PALS1: variants seen among roughly 807,000 people sequenced by gnomAD.
PALS1 encodes protein PALS1.
In PALS1, 31 loss-of-function variants were observed where a neutral mutation model predicts 78.9. The ratio of observed to expected loss-of-function variants is 0.39; its 90% confidence interval spans 0.30 to 0.53. The LOEUF is 0.53. Ranked by LOEUF, PALS1 falls within the 20% of genes least tolerant of loss-of-function variation. PALS1 has a pLI of 0.67. For missense variants in PALS1, 704 were observed against 826.5 expected (o/e 0.85, Z 1.82); for synonymous variants, 276 against 270.9 (o/e 1.02, Z -0.18).
chr14:67,327,099 C>T (rs758655843), intron 14 of PALS1, among the ~76,000 whole-genome samples: 4 of 152,118 alleles, frequency 2.6e-5, no homozygotes, highest in South Asian at 2.1e-4. Context: ...CACTTGAACC[C>T]GGGAGGTGGA....
At chr14:67,283,007 T>C (rs1369558543) in intron 3 of PALS1, among the ~76,000 whole-genome samples, 3 of 152,122 alleles carry the variant, frequency 2.0e-5, no homozygotes, top group Admixed American at 2.0e-4. Context: ...ATCATATATG[T>C]GACTATAAAA....
intron 3 of PALS1, among the ~76,000 whole-genome samples, chr14:67,288,230 C>T (rs952878891): frequency 6.6e-6 from 1 of 152,140 alleles, no homozygotes; most frequent in Non-Finnish European, 1.5e-5. Flanking sequence ...TAGACATGTG[C>T]CACCACACCC....
chr14:67,268,343 G>T (rs566245263), intron 1 of PALS1, among the ~76,000 whole-genome samples: 1 of 152,192 alleles, frequency 6.6e-6, no homozygotes, highest in South Asian at 2.1e-4. Context: ...TTACCCGAAG[G>T]GGGTCCCGAT....
At chr14:67,268,553 A>C (rs1214926339) in intron 1 of PALS1, among the ~76,000 whole-genome samples, 3 of 152,222 alleles carry the variant, frequency 2.0e-5, no homozygotes, top group Non-Finnish European at 4.4e-5. Flanking sequence ...GGGATGGGCA[A>C]TTCGCAGAAC....
chr14:67,304,734 C>A (rs1258778548), intron 8 of PALS1, among the ~76,000 whole-genome samples: 2 of 152,104 alleles, frequency 1.3e-5, no homozygotes, highest in East Asian at 1.9e-4. Context: ...TTGTACAAAT[C>A]TGTGAATAAA....
intron 1 of PALS1, among the ~76,000 whole-genome samples, chr14:67,267,484 C>T (rs981065026): frequency 6.6e-6 from 1 of 152,088 alleles, no homozygotes; most frequent in Non-Finnish European, 1.5e-5. Flanking sequence ...CTGCTGATCT[C>T]GGGTGATTCA....
chr14:67,258,450 T>G (rs2084180372), intron 1 of PALS1, among the ~76,000 whole-genome samples: 1 of 152,148 alleles, frequency 6.6e-6, no homozygotes, highest in South Asian at 2.1e-4. Context: ...GCAGGAGGAT[T>G]GCAACTGTTG....
chr14:67,315,571 C>T (rs949040629), intron 9 of PALS1, among the ~76,000 whole-genome samples: 12 of 152,072 alleles, frequency 7.9e-5, no homozygotes, highest in South Asian at 4.1e-4. Context: ...CCACTGCACC[C>T]GACCCCTTTA....
chr14:67,329,477 C>G (rs1186416217), intron 14 of PALS1, among the ~76,000 whole-genome samples: 1 of 152,108 alleles, frequency 6.6e-6, no homozygotes, highest in Non-Finnish European at 1.5e-5. Context: ...ATTTCTTTCT[C>G]CTGCCTGATT....
chr14:67,260,249 T>A (rs538473403), intron 1 of PALS1, among the ~76,000 whole-genome samples: 1 of 152,330 alleles, frequency 6.6e-6, no homozygotes, highest in Admixed American at 6.5e-5. Context: ...CCACCCTGAC[T>A]GTGCCTGATC....
intron 11 of PALS1, among the ~76,000 whole-genome samples, chr14:67,319,634 A>T (rs2140987034): frequency 6.6e-6 from 1 of 152,148 alleles, no homozygotes; most frequent in East Asian, 1.9e-4. Context: ...AAAAAATTGC[A>T]AAACAATCTC....
chr14:67,246,170 G>T (rs1196397576), intron 1 of PALS1, among the ~76,000 whole-genome samples: 2 of 151,388 alleles, frequency 1.3e-5, no homozygotes, highest in Non-Finnish European at 2.9e-5. Context: ...TTAGAGACAG[G>T]GTCTCTCTCT....
In PALS1 at chr14:67,332,791, G is replaced by T; in HGVS notation, c.1863G>T (p.Leu621Phe). ...KEGKNPKPEE[L>F]REIIEKTREM... ...TCTTCTGTTTGCAGCCTGAAGAGTTGAGAGAAATCATTGAGAAGACAAGAG... is the reference window on the plus strand; with the variant it reads ...TCTTCTGTTTGCAGCCTGAAGAGTTTAGAGAAATCATTGAGAAGACAAGAG... Residue 621 changes from leucine (L) to phenylalanine (F), a missense_variant, in exon 15 of 15, where the codon TTG (leucine) becomes TTT (phenylalanine). By Grantham distance (22) the Leu-to-Phe change is conservative. Coordinates refer to ENST00000261681, the MANE Select transcript of PALS1 (RefSeq NM_022474.4). 6.2e-7 allele frequency: 1 copy of T among 1,610,788 alleles called. No homozygotes were observed. Among genetic ancestry groups the T allele is most frequent in the Non-Finnish European group, 8.5e-7 (1 of 1,177,578 alleles).
rs764531201 is a variant in PALS1 at position 67,302,051 on chromosome 14, G to T, written c.734G>T (p.Ser245Ile). ...EPITDERVYE[S>I]IGQYGGETVK... ...ATTACAGATGAGAGAGTTTATGAAA[G>T]TATTGGCCAGTATGGAGGAGAAACT... The change falls in exon 6 of 15, where the codon AGT (serine) becomes ATT (isoleucine). Residue 245 changes from serine (S) to isoleucine (I), a missense_variant. Transcript: ENST00000261681. The T allele has an allele frequency of 6.2e-7, 1 of 1,609,656 alleles. No individual in the cohort carries two copies.
At chr14:67,242,294 T>C (rs2083917828) in intron 1 of PALS1, among the ~76,000 whole-genome samples, 1 of 152,230 alleles carries the variant, frequency 6.6e-6, no homozygotes, top group Admixed American at 6.5e-5. Context: ...TAAAATCTGA[T>C]GGCTAGGAAG....
chr14:67,325,196 G>C (rs983127879), intron 14 of PALS1, among the ~76,000 whole-genome samples: 10 of 151,896 alleles, frequency 6.6e-5, no homozygotes, highest in South Asian at 2.1e-4. Flanking sequence ...TGAGCCACCA[G>C]GCCCAGCCTC....
chr14:67,244,266 C>T (rs1296231545), intron 1 of PALS1, among the ~76,000 whole-genome samples: 2 of 152,274 alleles, frequency 1.3e-5, no homozygotes, highest in East Asian at 3.9e-4. Flanking sequence ...TGTATACCTA[C>T]CTATAAGTGG....
chr14:67,311,154 T>A (rs1389868404), intron 8 of PALS1, among the ~76,000 whole-genome samples: 1 of 151,850 alleles, frequency 6.6e-6, no homozygotes, highest in Non-Finnish European at 1.5e-5. Flanking sequence ...CTACTAAACA[T>A]ACAAAAATTA....
intron 3 of PALS1, among the ~76,000 whole-genome samples, chr14:67,285,438 C>CTCACTGCAAGCTCCACCTCCCAGGT (rs2084671711): frequency 6.7e-6 from 1 of 150,176 alleles, no homozygotes; most frequent in African/African-American, 2.5e-5. Context: ...GCGATCTCGG[C>CTCACTGCAAGCTCCACCTCCCAGGT]TCACTGCAAG....
Sources: allele counts gnomAD v4.1 joint callset (sites outside exome capture counted in the v4.1 genomes callset), GRCh38; gene constraint gnomAD v4.1.1; transcripts MANE v1.5; gene names NCBI Gene and HGNC (gene_info 2026-07-23, HGNC 2026-07-21).